The following CWC27 variants were observed in gnomAD, a reference collection of about 807,000 sequenced individuals.
CWC27 encodes spliceosome-associated protein CWC27 homolog.
CWC27 carries 47 observed loss-of-function variants against 63.6 expected under a neutral mutation model. That is an observed-to-expected ratio of 0.74 (90% CI 0.58 to 0.94). The LOEUF (loss-of-function observed/expected upper bound fraction) is 0.94, where lower values mean the gene tolerates loss of function less well. Among genes scored for constraint, CWC27 ranks in the 40% least tolerant of loss-of-function variants. The probability of loss-of-function intolerance (pLI) is 0.00; values close to 1 mark genes in which losing one functional copy is unlikely to be tolerated. For missense variants in CWC27, 495 were observed against 554.3 expected (o/e 0.89, Z 1.07); for synonymous variants, 175 against 179.8 (o/e 0.97, Z 0.22).
chr5:64,852,970 T>A (rs1173745064), intron 10 of CWC27, among the ~76,000 whole-genome samples: 1 of 152,202 alleles, frequency 6.6e-6, no homozygotes, highest in Non-Finnish European at 1.5e-5. Context: ...ATTGATTCAA[T>A]GAACTTGCTG....
Position 64,801,990 on chromosome 5 carries a change from T to C in CWC27, c.780+658T>C, listed in dbSNP as rs114863209. On this transcript the variant is annotated intron_variant, in intron 9 of 13. Transcript: ENST00000381070. ...CACAGTCAAAAGAGAAGGCTCTCTA[T>C]GGCTATCAGTAGTAGATAGAGAGAG... Among the ~76,000 whole-genome samples the C allele has an allele frequency of 9.9e-4, 151 of 152,312 alleles. 1 individual carries two copies. Among genetic ancestry groups the C allele is most frequent in the African/African-American group, 3.5e-3 (145 of 41,576 alleles).
chr5:64,810,947 A>G (rs1744860595), intron 10 of CWC27, among the ~76,000 whole-genome samples: 1 of 152,154 alleles, frequency 6.6e-6, no homozygotes, highest in Non-Finnish European at 1.5e-5. Flanking sequence ...AAGTAATTTT[A>G]GAGAAAGAAA....
chr5:65,009,019 T>C (rs1749898668), intron 13 of CWC27, among the ~76,000 whole-genome samples: 1 of 151,808 alleles, frequency 6.6e-6, no homozygotes, highest in Non-Finnish European at 1.5e-5. Flanking sequence ...AAAATGAGGC[T>C]TATTTGGCTC....
intron 13 of CWC27, among the ~76,000 whole-genome samples, chr5:64,980,601 C>A (rs552201146): frequency 5.3e-5 from 8 of 152,274 alleles, no homozygotes; most frequent in African/African-American, 1.9e-4. Context: ...TGAAACATTA[C>A]AGCACATATA....
intron 11 of CWC27, among the ~76,000 whole-genome samples, chr5:64,929,695 T>C (rs943407667): frequency 1.3e-4 from 20 of 152,120 alleles, no homozygotes; most frequent in African/African-American, 4.1e-4. Context: ...ATAATTTTTT[T>C]TTAAGGTAAC....
intron 10 of CWC27, among the ~76,000 whole-genome samples, chr5:64,826,325 G>A (rs923964385): frequency 2.6e-5 from 4 of 151,998 alleles, no homozygotes; most frequent in Non-Finnish European, 5.9e-5. Context: ...TGTTACTGAT[G>A]TCTACATTAA....
intron 9 of CWC27, 98 bp from the exon 10 acceptor site, chr5:64,804,131 T>A: frequency 9.2e-7 from 1 of 1,086,884 alleles, no homozygotes; most frequent in Non-Finnish European, 1.3e-6. Context: ...AAAAACCTAG[T>A]TTAGAATGCA....
chr5:64,857,157 C>T (rs1421255793), intron 10 of CWC27, among the ~76,000 whole-genome samples: 1 of 152,116 alleles, frequency 6.6e-6, no homozygotes, highest in African/African-American at 2.4e-5. Flanking sequence ...CTAGGCAGCA[C>T]CATTTATTAT....
chr5:64,922,305 A>ATT (rs1165586811), intron 11 of CWC27, among the ~76,000 whole-genome samples: 3 of 152,140 alleles, frequency 2.0e-5, no homozygotes, highest in Non-Finnish European at 4.4e-5. Flanking sequence ...ATAATCCCAT[A>ATT]TTTATCAGAG....
At chr5:64,829,441 T>TA (rs1745454328) in intron 10 of CWC27, among the ~76,000 whole-genome samples, 2 of 151,938 alleles carry the variant, frequency 1.3e-5, no homozygotes, top group African/African-American at 2.4e-5. Context: ...ACTCTACTAG[T>TA]AAAAAAACAG....
intron 11 of CWC27, among the ~76,000 whole-genome samples, chr5:64,916,843 A>G (rs1384122418): frequency 2.0e-5 from 3 of 152,032 alleles, no homozygotes; most frequent in Admixed American, 2.0e-4. Flanking sequence ...TAAAGTATGT[A>G]ACCTCTGAAA....
intron 11 of CWC27, among the ~76,000 whole-genome samples, chr5:64,940,341 C>T (rs1748448573): frequency 6.6e-6 from 1 of 152,174 alleles, no homozygotes; most frequent in Non-Finnish European, 1.5e-5. Context: ...GGCACAGTCC[C>T]TCAGGGCTTC....
chr5:64,910,696 G>A (rs1747767268), intron 11 of CWC27, among the ~76,000 whole-genome samples: 2 of 152,178 alleles, frequency 1.3e-5, no homozygotes, highest in East Asian at 1.9e-4. Flanking sequence ...TGCCTCGCAG[G>A]TCAGTCTCAG....
intron 13 of CWC27, among the ~76,000 whole-genome samples, chr5:64,992,366 C>T (rs1749551328): frequency 6.6e-6 from 1 of 152,152 alleles, no homozygotes; most frequent in Non-Finnish European, 1.5e-5. Flanking sequence ...TTCCAGAATA[C>T]CAGCTTCTAC....
intron 10 of CWC27, among the ~76,000 whole-genome samples, chr5:64,882,386 C>T (rs755907416): frequency 5.7e-4 from 87 of 152,310 alleles, no homozygotes; most frequent in Non-Finnish European, 2.5e-4. Context: ...GTCCAGCCTG[C>T]TGTTTCTCTA....
Position 64,932,358 on chromosome 5 carries a change from CT to C in CWC27, c.1043-39334del, listed in dbSNP as rs796874383. Among the ~76,000 whole-genome samples the C allele has an allele frequency of 1.2e-3, 172 of 146,266 alleles. 1 individual carries two copies. The highest frequency in any genetic ancestry group is 2.6e-3 in the African/African-American group (106 of 40,186). Reference sequence around the variant, plus strand: ...TTTATAATCTCAATGGCCAATAGGACTTTTTTTTTTTAATTCTTAACTTGTA... The same window carrying C: ...TTTATAATCTCAATGGCCAATAGGACTTTTTTTTTTAATTCTTAACTTGTA... On this transcript the variant is annotated intron_variant, in intron 11 of 13. Transcript: ENST00000381070.
chr5:64,778,693 C>CA (rs1580582944), intron 2 of CWC27, among the ~76,000 whole-genome samples: 1 of 152,152 alleles, frequency 6.6e-6, no homozygotes, highest in African/African-American at 2.4e-5. Context: ...AGGCAAGACT[C>CA]AAACTCCTGA....
At position 64,927,226 on chromosome 5, in the gene CWC27, A is replaced by G. The variant is rs1396917809; in HGVS notation, c.1042+41680A>G. 2.6e-5 allele frequency among the ~76,000 whole-genome samples: 4 copies of G among 152,332 alleles called. 1 individual carries two copies. Among genetic ancestry groups the G allele is most frequent in the Middle Eastern group, 3.4e-3 (1 of 294 alleles). ...ATTCTACTAAAATAGGGAAAAATCAAGAGTTTACTATTATTTACATCACCA... is the reference window on the plus strand; with the variant it reads ...ATTCTACTAAAATAGGGAAAAATCAGGAGTTTACTATTATTTACATCACCA... On this transcript the variant is annotated intron_variant, in intron 11 of 13. Transcript: ENST00000381070.
intron 11 of CWC27, among the ~76,000 whole-genome samples, chr5:64,949,984 G>A (rs566445088): frequency 6.2e-4 from 94 of 152,052 alleles, no homozygotes; most frequent in African/African-American, 2.0e-3. Flanking sequence ...AATGTGACCA[G>A]TTTAAACTGA....
Sources: allele counts gnomAD v4.1 joint callset (sites outside exome capture counted in the v4.1 genomes callset), GRCh38; gene constraint gnomAD v4.1.1; transcripts MANE v1.5; gene names NCBI Gene and HGNC (gene_info 2026-07-23, HGNC 2026-07-21).